Variants in NMUR1 observed in about 807,000 individuals in gnomAD.
NMUR1 encodes neuromedin-U receptor 1.
NMUR1 carries 16 observed loss-of-function variants against 18.8 expected under a neutral mutation model. The ratio of observed to expected loss-of-function variants is 0.85; its 90% CI spans 0.58 to 1.29. NMUR1 has a LOEUF of 1.29. NMUR1 is among the 50% of genes most tolerant of loss of function. The pLI is 0.00. For synonymous variants in NMUR1, 258 were observed against 258.2 expected (o/e 1.00, Z 0.01); for missense variants, 529 against 580.3 (o/e 0.91, Z 0.91).
rs146734530 is a variant in NMUR1 at position 231,528,833 on chromosome 2, A to G, written c.188T>C (p.Ile63Thr). Residue 63 changes from isoleucine (I) to threonine (T), a missense_variant, in exon 2 of 3, where the codon ATC (isoleucine) becomes ACC (threonine). By Grantham distance (89) the Ile-to-Thr change is moderately conservative. Coordinates refer to ENST00000305141, the MANE Select transcript of NMUR1 (RefSeq NM_006056.5). ...GPQQTELFMP[I>T]CATYLLIFVV... ...GAAGATCAGCAGGTATGTGGCACAGATGGGCATGAACAGCTCTGTCTGCTG... is the reference window on the plus strand; with the variant it reads ...GAAGATCAGCAGGTATGTGGCACAGGTGGGCATGAACAGCTCTGTCTGCTG... 3.1e-5 allele frequency: 50 copies of G among 1,614,198 alleles called. No individual in the cohort carries two copies. In the East Asian group the frequency reaches 1.1e-3, roughly 35 times the overall value.
intron 1 of NMUR1, among the ~76,000 whole-genome samples, chr2:231,529,611 A>G (rs1262604393): frequency 6.6e-6 from 1 of 152,172 alleles, no homozygotes; most frequent in Non-Finnish European, 1.5e-5. Flanking sequence ...ATGATGCTAG[A>G]TGAGGCACTC....
intron 2 of NMUR1, among the ~76,000 whole-genome samples, 182 bp from the exon 3 acceptor site, chr2:231,525,607 G>GC (rs2047348671): frequency 1.3e-5 from 2 of 152,226 alleles, no homozygotes; most frequent in African/African-American, 4.8e-5. Flanking sequence ...CAGAGAGGCT[G>GC]CCCTCACCAT....
downstream of NMUR1, among the ~76,000 whole-genome samples, chr2:231,518,577 C>T (rs1265628720): frequency 6.6e-6 from 1 of 152,156 alleles, no homozygotes; most frequent in African/African-American, 2.4e-5. Context: ...AGAATGTTAA[C>T]AGCAGTTAAT....
chr2:231,528,711 C>T lies in NMUR1; in HGVS notation c.310G>A (p.Val104Met), dbSNP rs752125596. 18 of 1,614,128 alleles carry T rather than the reference C, an allele frequency of 1.1e-5. No homozygotes were observed. The highest frequency in any genetic ancestry group is 9.9e-5 in the South Asian group (9 of 91,094). ...PTNYYLFSLAVSDLLVLLVGL... is the reference protein window; with the variant it reads ...PTNYYLFSLAMSDLLVLLVGL... ...ACCAGCAGCACCAGCAGGTCCGACA[C>T]GGCCAGGCTGAAGAGGTAGTAGTTG... Residue 104 changes from valine (V) to methionine (M), a missense_variant, in exon 2 of 3, where the codon GTG (valine) becomes ATG (methionine). By Grantham distance (21) the Val-to-Met change is conservative. Transcript: ENST00000305141.
chr2:231,523,214 AT>A lies in NMUR1; in HGVS notation c.*1828del, dbSNP rs573209347. ...CAGAGTAAAGTTATGGGTGGTTTTA[AT>A]TTTTTCTTTCCTTTAGATTTAATCC... On this transcript the variant is annotated 3_prime_UTR_variant, in exon 3 of 3. Transcript: ENST00000305141. 137 of 359,268 alleles carry A rather than the reference AT, an allele frequency of 3.8e-4. 2 individuals are homozygous for A. Among genetic ancestry groups the A allele is most frequent in the African/African-American group, 2.6e-3 (124 of 48,170 alleles). 22.3% of individuals were successfully genotyped at this position (359,268 alleles called of 1,614,324 possible).
intron 1 of NMUR1, among the ~76,000 whole-genome samples, chr2:231,529,993 C>T (rs992390639): frequency 2.6e-5 from 4 of 152,246 alleles, no homozygotes; most frequent in African/African-American, 9.6e-5. Context: ...ATATTTGACG[C>T]CCTTGGCACT....
At position 231,525,392 on chromosome 2, in the gene NMUR1, G is replaced by A; in HGVS notation, c.932C>T (p.Ala311Val). ...VLVVVFGICW[A>V]PFHADRVMWS... ...CATGACGCGGTCGGCGTGGAACGGG[G>A]CCCAGCAGATGCCAAACACCACGAC... Residue 311 changes from alanine (A) to valine (V), a missense_variant, in exon 3 of 3, where the codon GCC (alanine) becomes GTC (valine). Physicochemically the swap from Ala to Val is moderately conservative, Grantham distance 64. Coordinates refer to ENST00000305141, the MANE Select transcript of NMUR1 (RefSeq NM_006056.5). 2 of 1,613,244 alleles carry A rather than the reference G, an allele frequency of 1.2e-6. No homozygotes were observed. The highest frequency in any genetic ancestry group is 2.2e-5 in the South Asian group (2 of 91,036).
Position 231,525,062 on chromosome 2 carries a change from T to G in NMUR1, c.1262A>C (p.Gln421Pro). 6.3e-7 allele frequency: 1 copy of G among 1,586,158 alleles called. No individual in the cohort carries two copies. Among genetic ancestry groups the G allele is most frequent in the African/African-American group, 1.3e-5 (1 of 74,602 alleles). The change falls in exon 3 of 3, where the codon CAA becomes CCA. Residue 421 changes from glutamine (Q) to proline (P), a missense_variant. Physicochemically the swap from Gln to Pro is moderately conservative, Grantham distance 76. Coordinates refer to ENST00000305141, the MANE Select transcript of NMUR1 (RefSeq NM_006056.5). ...LAGNDGPEAQ[Q>P]ETDPS is the part of the protein sequence containing the mutation. The stretch of plus-strand genomic sequence containing the variant: ...CTCCACTCAGGATGGATCGGTCTCT[T>G]GCTGCGCCTCTGGGCCATCGTTCCC...
rs748494006 is a variant in NMUR1 at position 231,528,290 on chromosome 2, A to G, written c.731T>C (p.Met244Thr). The G allele has an allele frequency of 8.1e-6, 13 of 1,613,638 alleles. No individual in the cohort carries two copies. The highest frequency in any genetic ancestry group is 9.3e-6 in the Non-Finnish European group (11 of 1,179,620). The change falls in exon 2 of 3, where the codon ATG becomes ACG. Residue 244 changes from methionine to threonine, a missense_variant. Physicochemically the swap from Met to Thr is moderately conservative, Grantham distance 81. Transcript: ENST00000305141. The stretch of plus-strand genomic sequence containing the variant: ...CAGGTAGAGCACGCTCATGATGGCC[A>G]TGGGCAGGCAGAAGAAGAGCAGCGC... ...TTALLFFCLPMAIMSVLYLLI... is the reference protein window; with the variant it reads ...TTALLFFCLPTAIMSVLYLLI...
intron 1 of NMUR1, among the ~76,000 whole-genome samples, chr2:231,529,289 G>A (rs560943165): frequency 1.3e-5 from 2 of 152,074 alleles, no homozygotes; most frequent in African/African-American, 2.4e-5. Flanking sequence ...GTGAAACCCC[G>A]TCTCTACTAA....
At chr2:231,529,213 C>G (rs1205050170) in intron 1 of NMUR1, among the ~76,000 whole-genome samples, 196 bp from the exon 2 acceptor site, 1 of 152,100 alleles carries the variant, frequency 6.6e-6, no homozygotes, top group Non-Finnish European at 1.5e-5. Flanking sequence ...CCTGTAATCC[C>G]AACACTTTGG....
In NMUR1 at chr2:231,528,851, G is replaced by T. The variant is rs2047387322; in HGVS notation, c.170C>A (p.Thr57Lys). 2 of 1,614,214 alleles carry T rather than the reference G, an allele frequency of 1.2e-6. No individual in the cohort carries two copies. The highest frequency in any genetic ancestry group is 1.7e-6 in the Non-Finnish European group (2 of 1,180,040). The change falls in exon 2 of 3, where the codon ACA becomes AAA. Residue 57 changes from threonine to lysine, a missense_variant. Coordinates refer to ENST00000305141, the MANE Select transcript of NMUR1 (RefSeq NM_006056.5). ...GGCACAGATGGGCATGAACAGCTCT[G>T]TCTGCTGGGGCCCCAGGTACTTGAG... ...LRLKYLGPQQ[T>K]ELFMPICATY...
chr2:231,529,133 A>G, intron 1 of NMUR1, 116 bp from the exon 2 acceptor site: 2 of 1,050,440 alleles, frequency 1.9e-6, no homozygotes, highest in East Asian at 5.2e-5. Context: ...TTTAGGCACC[A>G]CTGAGAAAGA....
chr2:231,519,974 G>A (rs1047180080), downstream of NMUR1, among the ~76,000 whole-genome samples: 2 of 152,144 alleles, frequency 1.3e-5, no homozygotes, highest in Non-Finnish European at 2.9e-5. Flanking sequence ...AATAGTGTAC[G>A]TATGTTTCTA....
downstream of NMUR1, among the ~76,000 whole-genome samples, chr2:231,520,881 A>G (rs2047298538): frequency 6.6e-6 from 1 of 152,204 alleles, no homozygotes; most frequent in South Asian, 2.1e-4. Flanking sequence ...TGTTGATGAG[A>G]CTAATCTTGG....
Position 231,524,888 on chromosome 2 carries a change from T to C in NMUR1, c.*155A>G. On this transcript the variant is annotated 3_prime_UTR_variant, in exon 3 of 3. Coordinates refer to ENST00000305141, the MANE Select transcript of NMUR1 (RefSeq NM_006056.5). The stretch of plus-strand genomic sequence containing the variant: ...AGCAGTCAGGGATCCCTCCTCCTGC[T>C]GTTTCCCTCTGAGGGAAACTGAGGT... 1.1e-6 allele frequency: 1 copy of C among 947,768 alleles called. No homozygotes were observed. The highest frequency in any genetic ancestry group is 3.0e-5 in the Admixed American group (1 of 32,830). The allele number at this position is 947,768 out of a possible 1,614,324, so 58.7% of individuals were successfully genotyped here.
chr2:231,523,239 CCT>C lies in NMUR1; in HGVS notation c.*1802_*1803del. ...ATTTTTTCTTTCCTTTAGATTTAATCCTCTTTTTATAAAAATTGTGGTAAAAT... is the reference window on the plus strand; with the variant it reads ...ATTTTTTCTTTCCTTTAGATTTAATCCTTTTTATAAAAATTGTGGTAAAAT... On this transcript the variant is annotated 3_prime_UTR_variant, in exon 3 of 3. Transcript: ENST00000305141. 1 of 361,110 alleles carries C rather than the reference CCT, an allele frequency of 2.8e-6. No homozygotes were observed. The highest frequency in any genetic ancestry group is 5.0e-6 in the Non-Finnish European group (1 of 199,448). The allele number at this position is 361,110 out of a possible 1,614,324, so 22.4% of individuals were successfully genotyped here.
At chr2:231,522,370 C>T (rs1266739071), downstream of NMUR1, among the ~76,000 whole-genome samples, 1 of 151,842 alleles carries the variant, frequency 6.6e-6, no homozygotes, top group Non-Finnish European at 1.5e-5. Context: ...CAGGGTGCCT[C>T]GAGCATGAGG....
chr2:231,526,572 G>A (rs1249173966), intron 2 of NMUR1, among the ~76,000 whole-genome samples: 1 of 152,220 alleles, frequency 6.6e-6, no homozygotes. Flanking sequence ...AGGCTTCACC[G>A]TGCAGAGCTG....
Sources: allele counts gnomAD v4.1 joint callset (sites outside exome capture counted in the v4.1 genomes callset), GRCh38; gene constraint gnomAD v4.1.1; transcripts MANE v1.5; gene names NCBI Gene and HGNC (gene_info 2026-07-23, HGNC 2026-07-21).